Variants in COA6 observed in about 807,000 individuals in gnomAD.
The protein encoded by COA6 is cytochrome c oxidase assembly factor 6.
Under a neutral mutation model 17.1 loss-of-function variants are expected in COA6, and 12 were observed. The observed-to-expected ratio is 0.70, with a 90% CI of 0.45 to 1.14. COA6 has a LOEUF of 1.14. COA6 is among the 50% of genes most tolerant of loss of function. The pLI, the probability that COA6 is intolerant of heterozygous loss-of-function variation, is 0.00. For synonymous variants in COA6, 90 were observed against 73.4 expected (o/e 1.23, Z -1.16); for missense variants, 246 against 196.5 (o/e 1.25, Z -1.51).
At chr1:234,381,998 C>G (rs949632878) in intron 2 of COA6, among the ~76,000 whole-genome samples, 4 of 152,328 alleles carry the variant, frequency 2.6e-5, no homozygotes, top group East Asian at 3.9e-4. Flanking sequence ...CCCAATCAGC[C>G]TGAGACCACC....
At chr1:234,383,543 AAAAG>A (rs1344943182) in intron 2 of COA6, among the ~76,000 whole-genome samples, 176 bp from the exon 3 acceptor site, 4 of 150,750 alleles carry the variant, frequency 2.7e-5, no homozygotes, top group African/African-American at 7.4e-5. Context: ...AATAAAAAAA[AAAAG>A]AAAAACATCA....
chr1:234,377,422 G>A (rs1055467018), intron 2 of COA6, among the ~76,000 whole-genome samples: 2 of 152,078 alleles, frequency 1.3e-5, no homozygotes, highest in East Asian at 3.8e-4. Flanking sequence ...ACTGCACCCG[G>A]CTCTTCCTCT....
chr1:234,374,124 T>G (rs1052069391), intron 1 of COA6, 106 bp from the exon 2 acceptor site: 8 of 1,187,012 alleles, frequency 6.7e-6, no homozygotes, highest in African/African-American at 4.7e-5. Context: ...TTTTTTTTTT[T>G]TTTTTAGTTT....
At chr1:234,376,606 C>T (rs1020718641) in intron 2 of COA6, among the ~76,000 whole-genome samples, 1 of 152,214 alleles carries the variant, frequency 6.6e-6, no homozygotes, top group African/African-American at 2.4e-5. Flanking sequence ...ATACTTCTTC[C>T]TATGCCTACC....
intron 2 of COA6, among the ~76,000 whole-genome samples, chr1:234,380,030 T>C (rs1246852973): frequency 6.6e-6 from 1 of 152,186 alleles, no homozygotes; most frequent in Non-Finnish European, 1.5e-5. Context: ...ATTATTCCCA[T>C]TGACTTCTGC....
Position 234,374,251 on chromosome 1 carries a change from A to G in COA6, c.234A>G (p.Ala78=), listed in dbSNP as rs766294438. ...ACAGCTTCATCGCAGTAGGAATGGC[A>G]GCCCCATCTATGAAGGAAAGACAGG... ...RAESFIAVGM[A]APSMKERQVC... The change falls in exon 2 of 3, where the codon GCA becomes GCG. Residue 78 remains alanine (A), a synonymous_variant. Coordinates refer to ENST00000366615, the MANE Select transcript of COA6 (RefSeq NM_001206641.3). 2 of 1,612,866 alleles carry G rather than the reference A, an allele frequency of 1.2e-6. No homozygotes were observed. Among genetic ancestry groups the G allele is most frequent in the Non-Finnish European group, 8.5e-7 (1 of 1,179,782 alleles).
intron 1 of COA6, 171 bp from the exon 2 acceptor site, chr1:234,374,059 A>G (rs1658705998): frequency 1.0e-5 from 9 of 877,888 alleles, no homozygotes; most frequent in Non-Finnish European, 1.4e-5. Context: ...CTGAGAACTG[A>G]TTGGGTTCAG....
intron 2 of COA6, among the ~76,000 whole-genome samples, chr1:234,379,238 G>A (rs1201316779): frequency 1.3e-5 from 2 of 152,018 alleles, no homozygotes; most frequent in African/African-American, 2.4e-5. Flanking sequence ...TTGGGTTTAG[G>A]AGTAAGGAGG....
At chr1:234,375,244 T>C (rs1572170665) in intron 2 of COA6, among the ~76,000 whole-genome samples, 1 of 151,202 alleles carries the variant, frequency 6.6e-6, no homozygotes, top group Non-Finnish European at 1.5e-5. Context: ...GAGGTGGAGG[T>C]TGTAGTGAGC....
At chr1:234,380,278 C>T (rs946778381) in intron 2 of COA6, among the ~76,000 whole-genome samples, 9 of 152,244 alleles carry the variant, frequency 5.9e-5, no homozygotes, top group Admixed American at 2.0e-4. Flanking sequence ...GGGAGGCACA[C>T]GGGAGGGCAA....
chr1:234,374,112 G>GTTTTTTTTTTTTT, intron 1 of COA6, 118 bp from the exon 2 acceptor site: 9 of 861,672 alleles, frequency 1.0e-5, no homozygotes, highest in East Asian at 5.7e-5. Flanking sequence ...TTTTGTTTTT[G>GTTTTTTTTTTTTT]TTTTTTTTTT....
At chr1:234,375,078 A>G (rs2103015758) in intron 2 of COA6, among the ~76,000 whole-genome samples, 1 of 151,612 alleles carries the variant, frequency 6.6e-6, no homozygotes, top group Admixed American at 6.6e-5. Context: ...TCACGAGGTC[A>G]GGAGTTCAAG....
At chr1:234,376,858 C>A (rs984174412) in intron 2 of COA6, among the ~76,000 whole-genome samples, 1 of 152,194 alleles carries the variant, frequency 6.6e-6, no homozygotes, top group Admixed American at 6.5e-5. Flanking sequence ...CCAAGGCAAT[C>A]CTGTTTACAG....
intron 1 of COA6, 143 bp from the exon 2 acceptor site, chr1:234,374,087 C>T (rs1454238697): frequency 2.9e-6 from 3 of 1,049,906 alleles, no homozygotes; most frequent in Non-Finnish European, 1.3e-6. Context: ...ATCAAAATCC[C>T]TAAGCATGGT....
rs60042887 is a variant in COA6, at chr1:234,383,573, G to GACAC, written c.373-128_373-125dup. 0.27 allele frequency: 127,656 copies of GACAC among 469,946 alleles called. 11,298 individuals carry two copies. Among genetic ancestry groups the GACAC allele is most frequent in the Admixed American group, 0.39 (9,763 of 24,986 alleles). 29.1% of individuals were successfully genotyped at this position (469,946 alleles called of 1,614,324 possible). A position where few individuals can be genotyped will look rare whatever the true frequency, so the allele number is the denominator to read the frequency against. On this transcript the variant is annotated intron_variant, in intron 2 of 2. Transcript: ENST00000366615. ...AAAAACATCATTCATAGTTACAGCT[G>GACAC]ACACACACACACACACACACACACA...
intron 1 of COA6, 21 bp from the exon 2 acceptor site, chr1:234,374,209 A>G (rs1398767623): frequency 1.3e-6 from 2 of 1,599,404 alleles, no homozygotes; most frequent in East Asian, 4.5e-5. Context: ...TGTTAATCTC[A>G]AATATTATTT....
chr1:234,375,041 G>C (rs539459078), intron 2 of COA6, among the ~76,000 whole-genome samples: 1 of 151,508 alleles, frequency 6.6e-6, no homozygotes, highest in Admixed American at 6.6e-5. Flanking sequence ...TGTAATCCCA[G>C]CACTTTGGGA....
At chr1:234,377,869 G>A (rs1658853573) in intron 2 of COA6, among the ~76,000 whole-genome samples, 1 of 152,204 alleles carries the variant, frequency 6.6e-6, no homozygotes, top group African/African-American at 2.4e-5. Flanking sequence ...TCCAGATGCA[G>A]GCAGCATGAA....
intron 2 of COA6, among the ~76,000 whole-genome samples, chr1:234,377,442 G>A (rs750133382): frequency 4.6e-5 from 7 of 151,974 alleles, no homozygotes; most frequent in Non-Finnish European, 1.0e-4. Flanking sequence ...TTCTTATAAG[G>A]ACATTAATCC....
Sources: allele counts gnomAD v4.1 joint callset (sites outside exome capture counted in the v4.1 genomes callset), GRCh38; gene constraint gnomAD v4.1.1; transcripts MANE v1.5; gene names NCBI Gene and HGNC (gene_info 2026-07-23, HGNC 2026-07-21).